The following ORC3 variants were observed in gnomAD, a reference collection of about 807,000 sequenced individuals.
The protein encoded by ORC3 is origin recognition complex subunit 3, also known as homolog of latheo, Drosophila.
Under a neutral mutation model 100.7 loss-of-function variants are expected in ORC3, and 78 were observed. The ratio of observed to expected loss-of-function variants is 0.77; its 90% CI spans 0.65 to 0.94. The LOEUF is 0.94. Among genes scored for constraint, ORC3 ranks in the 40% least tolerant of loss-of-function variants. ORC3 has a pLI of 0.00. For missense variants in ORC3, 789 were observed against 823.9 expected (o/e 0.96, Z 0.52); for synonymous variants, 295 against 289.3 (o/e 1.02, Z -0.20).
downstream of ORC3, among the ~76,000 whole-genome samples, chr6:87,667,861 G>A (rs922983481): frequency 6.6e-5 from 10 of 152,242 alleles, no homozygotes; most frequent in Admixed American, 3.9e-4. Context: ...CCCGGGAGGC[G>A]GAGGTTGCAG....
At chr6:87,634,628 A>G (rs1482440262) in intron 11 of ORC3, among the ~76,000 whole-genome samples, 1 of 152,256 alleles carries the variant, frequency 6.6e-6, no homozygotes, top group Non-Finnish European at 1.5e-5. Flanking sequence ...TACAGTATCA[A>G]TTCTGGCTTG....
At chr6:87,602,946 A>G (rs1778036198) in intron 3 of ORC3, among the ~76,000 whole-genome samples, 1 of 124,446 alleles carries the variant, frequency 8.0e-6, no homozygotes, top group Non-Finnish European at 1.7e-5. Flanking sequence ...ATATATATAC[A>G]CATATATAAT....
chr6:87,676,102 G>C, the ORC3 span, among the ~76,000 whole-genome samples: 3 of 152,138 alleles, frequency 2.0e-5, no homozygotes, highest in African/African-American at 7.2e-5. Context: ...TTATTAGTCA[G>C]GAAACCTAGG....
the ORC3 span, among the ~76,000 whole-genome samples, chr6:87,674,644 T>TATATATATA: frequency 2.2e-5 from 3 of 133,452 alleles, no homozygotes; most frequent in African/African-American, 9.3e-5. Context: ...ATATATATAT[T>TATATATATA]TTTTTTTTTT....
At chr6:87,601,755 G>T in intron 2 of ORC3, 29 bp from the exon 3 acceptor site, 1 of 1,265,032 alleles carries the variant, frequency 7.9e-7, no homozygotes, top group African/African-American at 1.5e-5. Context: ...TATGAAAAAA[G>T]AAACTGACTT....
chr6:87,648,336 A>C (rs1321553565), intron 13 of ORC3, among the ~76,000 whole-genome samples: 1 of 152,352 alleles, frequency 6.6e-6, no homozygotes, highest in East Asian at 1.9e-4. Context: ...CCAGTCATCC[A>C]CTGTTAGCTA....
At chr6:87,675,846 G>A in the ORC3 span, 2 of 1,609,532 alleles carry the variant, frequency 1.2e-6, no homozygotes, top group Non-Finnish European at 1.7e-6. Flanking sequence ...TAACTTCAAA[G>A]GTGAAATACT....
At chr6:87,658,880 C>G (rs1292566858) in intron 16 of ORC3, among the ~76,000 whole-genome samples, 2 of 152,028 alleles carry the variant, frequency 1.3e-5, no homozygotes, top group African/African-American at 4.8e-5. Flanking sequence ...AAACCCAGAT[C>G]ATTCTGATTC....
chr6:87,603,558 C>T (rs1293842599), intron 4 of ORC3, 30 bp downstream of exon 4: 1 of 1,391,860 alleles, frequency 7.2e-7, no homozygotes, highest in Non-Finnish European at 9.7e-7. Flanking sequence ...TTCATGCATG[C>T]ATCTCTGTGT....
chr6:87,664,487 G>A (rs1770445594), intron 17 of ORC3, among the ~76,000 whole-genome samples: 1 of 152,028 alleles, frequency 6.6e-6, no homozygotes, highest in Non-Finnish European at 1.5e-5. Context: ...AGTAATTTAT[G>A]GATTGAAATG....
intron 11 of ORC3, among the ~76,000 whole-genome samples, chr6:87,628,835 CA>C (rs1445995567): frequency 2.6e-5 from 4 of 151,944 alleles, no homozygotes; most frequent in Non-Finnish European, 4.4e-5. Context: ...ACAGGGCAGA[CA>C]GGGGGAAGAA....
intron 12 of ORC3, among the ~76,000 whole-genome samples, chr6:87,636,099 G>C (rs1767803539): frequency 6.6e-6 from 1 of 151,522 alleles, no homozygotes; most frequent in Non-Finnish European, 1.5e-5. Flanking sequence ...TGCCCGGCTA[G>C]TTTTTTGTAT....
intron 7 of ORC3, among the ~76,000 whole-genome samples, chr6:87,610,262 G>A (rs918917229): frequency 1.1e-4 from 17 of 152,058 alleles, no homozygotes; most frequent in Admixed American, 3.3e-4. Flanking sequence ...AGGCTGGAGT[G>A]CAGTGGCGCC....
intron 14 of ORC3, among the ~76,000 whole-genome samples, chr6:87,653,875 A>T (rs138184621): frequency 6.6e-6 from 1 of 152,140 alleles, no homozygotes; most frequent in Non-Finnish European, 1.5e-5. Flanking sequence ...TATATCCTGA[A>T]TGCTTAGGGT....
At chr6:87,621,830 T>G (rs1422953796) in intron 10 of ORC3, 120 bp from the exon 11 acceptor site, 4 of 684,284 alleles carry the variant, frequency 5.8e-6, no homozygotes, top group African/African-American at 3.7e-5. Flanking sequence ...GAATTTATTT[T>G]TGTGAAGAAA....
intron 13 of ORC3, among the ~76,000 whole-genome samples, chr6:87,644,079 C>CTTTT (rs1156943778): frequency 0.012 from 635 of 51,388 alleles, 131 homozygotes; most frequent in African/African-American, 0.043. Flanking sequence ...GCTGACTGTC[C>CTTTT]TTTTTTTTTT....
the ORC3 span, chr6:87,675,798 A>T: frequency 6.7e-7 from 1 of 1,501,972 alleles, no homozygotes. Flanking sequence ...AATAATTATA[A>T]TGTCTTCTCC....
intron 11 of ORC3, among the ~76,000 whole-genome samples, chr6:87,626,426 G>GT (rs1443072777): frequency 6.6e-6 from 1 of 152,028 alleles, no homozygotes; most frequent in East Asian, 1.9e-4. Flanking sequence ...GTATTCCTAG[G>GT]TATTTTATTC....
chr6:87,676,918 T>G, the ORC3 span, among the ~76,000 whole-genome samples: 1 of 147,424 alleles, frequency 6.8e-6, no homozygotes, highest in Non-Finnish European at 1.5e-5. Context: ...CTACTAAAAA[T>G]ACAAGAAAAT....
Sources: allele counts gnomAD v4.1 joint callset (sites outside exome capture counted in the v4.1 genomes callset), GRCh38; gene constraint gnomAD v4.1.1; transcripts MANE v1.5; gene names NCBI Gene and HGNC (gene_info 2026-07-23, HGNC 2026-07-21).